The following PLB1 variants were observed in gnomAD, a reference collection of about 807,000 sequenced individuals.
PLB1 encodes phospholipase B1.
PLB1 carries 242 observed loss-of-function variants against 227.4 expected under a neutral mutation model. The observed-to-expected ratio is 1.06, with a 90% CI of 0.96 to 1.18. PLB1 has a LOEUF of 1.18. PLB1 is among the 50% of genes most tolerant of loss of function. PLB1 has a pLI of 0.00. For synonymous variants in PLB1, 757 were observed against 682.2 expected (o/e 1.11, Z -1.71); for missense variants, 1,858 against 1,816.3 (o/e 1.02, Z -0.42).
intron 4 of PLB1, 55 bp from the exon 5 acceptor site, chr2:28,525,212 G>C (rs1202748524): frequency 6.4e-7 from 1 of 1,564,960 alleles, no homozygotes; most frequent in African/African-American, 1.4e-5. Flanking sequence ...GGTCTAACTA[G>C]AAGAGGCTCT....
chr2:28,617,582 TCA>T (rs1686367509), intron 44 of PLB1, 143 bp from the exon 45 acceptor site: 2 of 768,004 alleles, frequency 2.6e-6, no homozygotes, highest in Non-Finnish European at 4.5e-6. Flanking sequence ...CACCTATAAC[TCA>T]CAGTTCTTTC....
intron 1 of PLB1, among the ~76,000 whole-genome samples, chr2:28,510,739 T>C (rs1286417316): frequency 6.8e-6 from 1 of 147,936 alleles, no homozygotes; most frequent in Non-Finnish European, 1.5e-5. Flanking sequence ...TCCTCCTGAG[T>C]AGCTGGGACT....
chr2:28,549,921 G>T, intron 15 of PLB1, 89 bp from the exon 16 acceptor site: 1 of 1,118,380 alleles, frequency 8.9e-7, no homozygotes, highest in Non-Finnish European at 1.3e-6. Context: ...TTCCTAGTTG[G>T]CCAAAAGCAT....
chr2:28,524,844 C>CTTTTT (rs779955635), intron 4 of PLB1, among the ~76,000 whole-genome samples: 57 of 106,574 alleles, frequency 5.3e-4, no homozygotes, highest in African/African-American at 7.9e-4. Flanking sequence ...CTCTCTCTCT[C>CTTTTT]TTTTTTTTTT....
rs202014070 is a variant in PLB1 at position 28,496,099 on chromosome 2, C to T, written c.-16C>T. 6 of 1,613,828 alleles carry T rather than the reference C, an allele frequency of 3.7e-6. No homozygotes were observed. The highest frequency in any genetic ancestry group is 5.1e-6 in the Non-Finnish European group (6 of 1,179,786). ...GCAGCTCTTCCAGAGGCCCGAGTCA[C>T]CTGGAGCATTCTGGCATGGGGCTGC... On this transcript the variant is annotated 5_prime_UTR_variant, in exon 1 of 58. Transcript: ENST00000327757.
Position 28,603,981 on chromosome 2 carries a change from C to T in PLB1, c.2790C>T (p.Cys930=), listed in dbSNP as rs530002620. 96 of 1,614,196 alleles carry T rather than the reference C, an allele frequency of 5.9e-5. No individual in the cohort carries two copies. The highest frequency in any genetic ancestry group is 3.2e-4 in the Admixed American group (19 of 60,034). Residue 930 remains cysteine (C), a synonymous_variant, in exon 40 of 58, where the codon TGC becomes TGT. Transcript: ENST00000327757. ...PVQQASVLCN[C]VLTLRENSQE... Reference sequence around the variant, plus strand: ...CTTTGTGCAGCGTTTTGTGTAACTGCGTTCTGACCCTGCGGGAGAACTCCC... The same window carrying T: ...CTTTGTGCAGCGTTTTGTGTAACTGTGTTCTGACCCTGCGGGAGAACTCCC...
At chr2:28,586,061 T>G (rs1189774008) in intron 26 of PLB1, among the ~76,000 whole-genome samples, 3 of 152,176 alleles carry the variant, frequency 2.0e-5, no homozygotes, top group Non-Finnish European at 4.4e-5. Context: ...ACCCACTGAA[T>G]CTCAGTTCCT....
At chr2:28,585,048 C>G (rs1163314638) in intron 25 of PLB1, among the ~76,000 whole-genome samples, 1 of 152,186 alleles carries the variant, frequency 6.6e-6, no homozygotes, top group African/African-American at 2.4e-5. Flanking sequence ...GTTTTTATTG[C>G]AGTGCTTGGT....
intron 1 of PLB1, among the ~76,000 whole-genome samples, chr2:28,501,561 C>T (rs1357826508): frequency 6.6e-6 from 1 of 152,088 alleles, no homozygotes; most frequent in Non-Finnish European, 1.5e-5. Flanking sequence ...GTTCAAAAGT[C>T]GAAGCTATAT....
chr2:28,627,694 G>C (rs1013118910), intron 51 of PLB1, among the ~76,000 whole-genome samples: 1 of 152,200 alleles, frequency 6.6e-6, no homozygotes, highest in Non-Finnish European at 1.5e-5. Flanking sequence ...ATGCCCATCA[G>C]TGTGCTGGAA....
At chr2:28,602,750 C>T in intron 38 of PLB1, 71 bp from the exon 39 acceptor site, 2 of 1,389,754 alleles carry the variant, frequency 1.4e-6, no homozygotes, top group Non-Finnish European at 2.0e-6. Context: ...GGAACCCATT[C>T]CTAGGGGCCC....
At chr2:28,551,545 T>G (rs1030717634) in intron 16 of PLB1, among the ~76,000 whole-genome samples, 26 of 152,124 alleles carry the variant, frequency 1.7e-4, no homozygotes, top group African/African-American at 6.0e-4. Context: ...TGTGAAAGAC[T>G]CGATTTATCA....
At chr2:28,541,583 C>A in intron 12 of PLB1, 124 bp from the exon 13 acceptor site, 1 of 669,540 alleles carries the variant, frequency 1.5e-6, no homozygotes, top group Non-Finnish European at 2.6e-6. Context: ...TTCAGAATAG[C>A]ACTTGACCAC....
intron 56 of PLB1, among the ~76,000 whole-genome samples, chr2:28,634,800 G>T (rs945412572): frequency 6.6e-6 from 1 of 152,008 alleles, no homozygotes; most frequent in African/African-American, 2.4e-5. Context: ...AGTCCCAGCT[G>T]CTCAGAAGGC....
chr2:28,610,684 A>G (rs1466130615), intron 43 of PLB1, among the ~76,000 whole-genome samples: 1 of 152,134 alleles, frequency 6.6e-6, no homozygotes, highest in Non-Finnish European at 1.5e-5. Context: ...CAGCACAACC[A>G]GCGAAGAAAA....
intron 46 of PLB1, among the ~76,000 whole-genome samples, chr2:28,619,162 T>G (rs1472222466): frequency 2.6e-5 from 4 of 152,230 alleles, no homozygotes; most frequent in Admixed American, 6.5e-5. Flanking sequence ...GCCTGGTACC[T>G]ATGAGTTATG....
chr2:28,614,663 A>G (rs1685942354), intron 44 of PLB1, among the ~76,000 whole-genome samples: 1 of 152,178 alleles, frequency 6.6e-6, no homozygotes. Context: ...GGACTATACC[A>G]TGACTGGCAG....
At chr2:28,637,631 C>A (rs1321684162) in intron 56 of PLB1, among the ~76,000 whole-genome samples, 1 of 152,252 alleles carries the variant, frequency 6.6e-6, no homozygotes, top group Admixed American at 6.5e-5. Context: ...ACCTGATTAA[C>A]CTCTCTGGCT....
chr2:28,586,506 G>GT (rs1435064564), intron 26 of PLB1, among the ~76,000 whole-genome samples: 1 of 152,168 alleles, frequency 6.6e-6, no homozygotes, highest in African/African-American at 2.4e-5. Flanking sequence ...GAGGACAGTG[G>GT]TAGGCCTTTC....
Sources: gnomAD v4.1 joint callset for allele counts (sites outside exome capture counted in the v4.1 genomes callset) on GRCh38, gnomAD v4.1.1 for gene constraint, MANE v1.5 for transcripts, NCBI Gene and HGNC (gene_info 2026-07-23, HGNC 2026-07-21) for gene names.